The following MINDY2 variants were observed in gnomAD, a reference collection of about 807,000 sequenced individuals.
MINDY2 encodes the protein ubiquitin carboxyl-terminal hydrolase MINDY-2.
In MINDY2, 52 loss-of-function variants were observed where a neutral mutation model predicts 68.2. The observed-to-expected ratio is 0.76, with a 90% confidence interval of 0.61 to 0.96. The LOEUF is 0.96. Among genes scored for constraint, MINDY2 ranks in the 40% least tolerant of loss-of-function variants. The pLI, the probability that MINDY2 is intolerant of heterozygous loss-of-function variation, is 0.00. For missense variants in MINDY2, 881 were observed against 773.4 expected (o/e 1.14, Z -1.65); for synonymous variants, 372 against 303.0 (o/e 1.23, Z -2.36).
rs2033044476 is a variant in MINDY2 at position 58,855,892 on chromosome 15, C to G, written c.*1282C>G. 1 of 152,338 alleles carries G rather than the reference C, an allele frequency of 6.6e-6. No homozygotes were observed. Among genetic ancestry groups the G allele is most frequent in the Admixed American group, 6.6e-5 (1 of 15,258 alleles). The allele number at this position is 152,338 out of a possible 1,614,324, so 9.4% of individuals were successfully genotyped here. On this transcript the variant is annotated 3_prime_UTR_variant, in exon 9 of 9. Transcript: ENST00000559228. The stretch of plus-strand genomic sequence containing the variant: ...CCGAGATCGCCCTGCTGCACTCCAG[C>G]CTGGGTGACAGAGGGAGACTCCGTC...
intron 4 of MINDY2, among the ~76,000 whole-genome samples, chr15:58,813,791 G>A (rs1158575817): frequency 4.0e-5 from 6 of 151,436 alleles, no homozygotes; most frequent in African/African-American, 1.5e-4. Flanking sequence ...TAGATTACCT[G>A]TAGAAAAGTT....
chr15:58,794,358 GGTGTGTGTGTGTGT>G (rs3985718), intron 2 of MINDY2, among the ~76,000 whole-genome samples: 127 of 139,180 alleles, frequency 9.1e-4, no homozygotes, highest in Middle Eastern at 3.7e-3. Flanking sequence ...TTTTTTTTGG[GGTGTGTGTGTGTGT>G]GTGTGTGTGT....
In MINDY2 at chr15:58,857,923, T is replaced by G. The variant is rs555687903; in HGVS notation, c.*3313T>G. 1 of 152,308 alleles carries G rather than the reference T, an allele frequency of 6.6e-6. No homozygotes were observed. Among genetic ancestry groups the G allele is most frequent in the South Asian group, 2.1e-4 (1 of 4,824 alleles). The allele number at this position is 152,308 out of a possible 1,614,324, so 9.4% of individuals were successfully genotyped here. On this transcript the variant is annotated 3_prime_UTR_variant, in exon 9 of 9. Transcript: ENST00000559228. ...GTCTTTATTAAAAATATAAAATTTTTCTTCATGTCTAATCCCATTGCATCC... is the reference window on the plus strand; with the variant it reads ...GTCTTTATTAAAAATATAAAATTTTGCTTCATGTCTAATCCCATTGCATCC...
chr15:58,830,635 T>C (rs1595760338), intron 5 of MINDY2, among the ~76,000 whole-genome samples: 1 of 152,286 alleles, frequency 6.6e-6, no homozygotes, highest in East Asian at 1.9e-4. Context: ...GTATTTTCTC[T>C]ATAAGGCACA....
At chr15:58,840,589 C>T (rs1345579167) in intron 6 of MINDY2, among the ~76,000 whole-genome samples, 1 of 150,674 alleles carries the variant, frequency 6.6e-6, no homozygotes, top group Non-Finnish European at 1.5e-5. Context: ...CTGGGCGGAT[C>T]CTCTTTGTGA....
intron 8 of MINDY2, among the ~76,000 whole-genome samples, chr15:58,853,974 C>T (rs1295308228): frequency 2.6e-5 from 4 of 151,996 alleles, no homozygotes; most frequent in East Asian, 3.9e-4. Flanking sequence ...TATAATCTTA[C>T]GTTATTTACT....
intron 4 of MINDY2, among the ~76,000 whole-genome samples, chr15:58,819,451 C>T (rs1285773164): frequency 1.3e-5 from 2 of 152,134 alleles, no homozygotes; most frequent in African/African-American, 4.8e-5. Context: ...CAGATCACAC[C>T]ACTGCACTCC....
chr15:58,844,887 C>T (rs2032456892), intron 6 of MINDY2, among the ~76,000 whole-genome samples: 1 of 142,168 alleles, frequency 7.0e-6, no homozygotes, highest in Non-Finnish European at 1.5e-5. Flanking sequence ...TGCACTCCAG[C>T]CTGGGCGACA....
At chr15:58,794,618 T>C (rs1902162937) in intron 2 of MINDY2, among the ~76,000 whole-genome samples, 1 of 151,818 alleles carries the variant, frequency 6.6e-6, no homozygotes, top group South Asian at 2.1e-4. Context: ...CTGAGGAGTT[T>C]AGGGAGGAAG....
intron 5 of MINDY2, among the ~76,000 whole-genome samples, chr15:58,831,004 A>G (rs2031680363): frequency 6.9e-6 from 1 of 145,024 alleles, no homozygotes; most frequent in South Asian, 2.1e-4. Context: ...GATTGTGTAT[A>G]TGAAGATCAG....
intron 3 of MINDY2, among the ~76,000 whole-genome samples, chr15:58,809,195 G>T (rs1389568660): frequency 6.6e-6 from 1 of 152,162 alleles, no homozygotes. Flanking sequence ...CTGGGCAACA[G>T]AGTGAGACCC....
chr15:58,785,609 A>G (rs991611393), intron 1 of MINDY2, among the ~76,000 whole-genome samples: 1 of 152,184 alleles, frequency 6.6e-6, no homozygotes, highest in African/African-American at 2.4e-5. Flanking sequence ...AAAATATGCC[A>G]TATATGGGAA....
chr15:58,806,207 G>T (rs1902998923), intron 3 of MINDY2, among the ~76,000 whole-genome samples: 1 of 152,116 alleles, frequency 6.6e-6, no homozygotes, highest in Non-Finnish European at 1.5e-5. Flanking sequence ...CCAATTAGCT[G>T]GGATTACAGG....
chr15:58,844,559 CAAAAA>C (rs34592774), intron 6 of MINDY2, among the ~76,000 whole-genome samples: 1 of 66,888 alleles, frequency 1.5e-5, no homozygotes, highest in Admixed American at 2.0e-4. Context: ...GACTCCGTCT[CAAAAA>C]AAAAAAAAAA....
chr15:58,836,898 G>A (rs973075624), intron 6 of MINDY2, among the ~76,000 whole-genome samples: 8 of 152,128 alleles, frequency 5.3e-5, no homozygotes, highest in African/African-American at 1.7e-4. Context: ...GGGATTACAG[G>A]TGTGAACCAC....
At position 58,851,838 on chromosome 15, in the gene MINDY2, C is replaced by T. The variant is rs776397217; in HGVS notation, c.1610C>T (p.Pro537Leu). Reference protein sequence around the residue: ...QSQEINWEQIPEGISDLELAK... With the variant: ...QSQEINWEQILEGISDLELAK... ...CAAGAGATCAATTGGGAACAAATCC[C>T]GGAAGGAATCAGTGATTTGGAACTA... Residue 537 changes from proline (P) to leucine (L), a missense_variant, in exon 8 of 9, where the codon CCG becomes CTG. Pro to Leu is a moderately conservative substitution (Grantham distance 98). Transcript: ENST00000559228. 5.6e-6 allele frequency: 9 copies of T among 1,612,374 alleles called. No homozygotes were observed. The highest frequency in any genetic ancestry group is 2.7e-5 in the African/African-American group (2 of 74,604).
At chr15:58,829,244 A>C (rs1253048120) in intron 5 of MINDY2, among the ~76,000 whole-genome samples, 3 of 152,278 alleles carry the variant, frequency 2.0e-5, no homozygotes, top group African/African-American at 7.2e-5. Context: ...ACCACTGTTT[A>C]AGAGATGACA....
chr15:58,774,284 A>T (rs1900633642), intron 1 of MINDY2, among the ~76,000 whole-genome samples: 2 of 152,092 alleles, frequency 1.3e-5, no homozygotes, highest in South Asian at 4.1e-4. Context: ...GGAGTTCGAG[A>T]CCACCCTGGC....
At chr15:58,774,253 C>T (rs547577785) in intron 1 of MINDY2, among the ~76,000 whole-genome samples, 13 of 152,188 alleles carry the variant, frequency 8.5e-5, no homozygotes, top group Non-Finnish European at 1.8e-4. Context: ...GAGGCCGAGG[C>T]GGGTGGATCA....
Sources: gnomAD v4.1 joint callset for allele counts (sites outside exome capture counted in the v4.1 genomes callset) on GRCh38, gnomAD v4.1.1 for gene constraint, MANE v1.5 for transcripts, NCBI Gene and HGNC (gene_info 2026-07-23, HGNC 2026-07-21) for gene names.